The following ELAVL3 variants were observed in gnomAD, a reference collection of about 807,000 sequenced individuals.
ELAVL3 encodes the protein ELAV like RNA binding protein 3.
ELAVL3 carries 8 observed loss-of-function variants against 34.2 expected under a neutral mutation model. That is an observed-to-expected ratio of 0.23 (90% CI 0.14 to 0.42). The LOEUF is 0.42. Ranked by LOEUF, ELAVL3 falls within the 10% of genes least tolerant of loss-of-function variation. ELAVL3 has a pLI of 1.00. For missense variants in ELAVL3, 273 were observed against 518.8 expected (o/e 0.53, Z 4.60); for synonymous variants, 209 against 222.1 (o/e 0.94, Z 0.53).
Position 11,458,340 on chromosome 19 carries a change from C to T in ELAVL3, c.488-54G>A. The T allele has an allele frequency of 6.2e-7, 1 of 1,607,086 alleles. No homozygotes were observed. Among genetic ancestry groups the T allele is most frequent in the South Asian group, 1.1e-5 (1 of 90,688 alleles). On this transcript the variant is annotated intron_variant, in intron 4 of 6. Coordinates refer to ENST00000359227, the MANE Select transcript of ELAVL3 (RefSeq NM_001420.4). This position sits in a 1 kb window ranked among gnomAD's most constrained non-coding sequence, Gnocchi z 7.3. ...ACGACCCTGTCCCCTCCTGTGTAAC[C>T]CCACTTCTCCCTTCCCTGCTTCATG... is the stretch of plus-strand genomic sequence containing the variant.
chr19:11,479,841 G>C (rs988305722), intron 1 of ELAVL3, among the ~76,000 whole-genome samples: 1 of 151,666 alleles, frequency 6.6e-6, no homozygotes, highest in African/African-American at 2.4e-5. Context: ...TGGCGAGGTG[G>C]GGAGCCTGGA....
intron 1 of ELAVL3, among the ~76,000 whole-genome samples, chr19:11,471,074 A>C (rs563808497): frequency 2.9e-4 from 44 of 152,100 alleles, no homozygotes; most frequent in African/African-American, 9.6e-4. Flanking sequence ...GCACTTTGGG[A>C]GGCCGAGGTG....
At chr19:11,464,800 C>T (rs558721367) in intron 3 of ELAVL3, among the ~76,000 whole-genome samples, 285 of 74,232 alleles carry the variant, frequency 3.8e-3, no homozygotes, top group African/African-American at 0.014. Flanking sequence ...ACCACACACA[C>T]ACCACACACA....
intron 1 of ELAVL3, among the ~76,000 whole-genome samples, chr19:11,477,620 A>G (rs1971285977): frequency 6.6e-6 from 1 of 151,308 alleles, no homozygotes; most frequent in Non-Finnish European, 1.5e-5. Context: ...TGAGTTGCTG[A>G]TATTTGCTAT....
At chr19:11,474,781 A>G (rs1478437818) in intron 1 of ELAVL3, among the ~76,000 whole-genome samples, 2 of 152,192 alleles carry the variant, frequency 1.3e-5, no homozygotes, top group Non-Finnish European at 2.9e-5. Context: ...CCTCTCAAGT[A>G]GCTATGACTA....
chr19:11,454,922 T>G lies in ELAVL3; in HGVS notation c.753-45A>C. 4 of 1,537,756 alleles carry G rather than the reference T, an allele frequency of 2.6e-6. No individual in the cohort carries two copies. Among genetic ancestry groups the G allele is most frequent in the Non-Finnish European group, 3.5e-6 (4 of 1,141,140 alleles). On this transcript the variant is annotated intron_variant, in intron 6 of 6. Transcript: ENST00000359227. The surrounding 1 kb of genome is among the most constrained non-coding windows in gnomAD (Gnocchi z 9.2). The stretch of plus-strand genomic sequence containing the variant: ...GGCTCTGCCCTGACCCCCCGCATGC[T>G]TCTGACCCCGTTGTGACCCTTCACA...
chr19:11,460,986 G>A (rs375891481), intron 3 of ELAVL3, among the ~76,000 whole-genome samples: 42 of 139,152 alleles, frequency 3.0e-4, no homozygotes, highest in African/African-American at 6.4e-4. Flanking sequence ...ACTCACCCCC[G>A]TCCTCCACCG....
chr19:11,476,990 G>A (rs777110062), intron 1 of ELAVL3, among the ~76,000 whole-genome samples: 1 of 152,260 alleles, frequency 6.6e-6, no homozygotes, highest in Middle Eastern at 3.4e-3. Flanking sequence ...GAAAAGACCA[G>A]TAATATAATA....
Position 11,458,620 on chromosome 19 carries a change from G to C in ELAVL3, c.334-9C>G, listed in dbSNP as rs199750944. ...GGTCTGGCATAGGACACCTGGGTGA[G>C]GGGGTCAGATGGACAGGGGTGAGGC... On this transcript the variant is annotated splice_polypyrimidine_tract_variant and intron_variant, in intron 3 of 6. Transcript: ENST00000359227. This position sits in a 1 kb window ranked among gnomAD's most constrained non-coding sequence, Gnocchi z 7.3. The C allele has an allele frequency of 2.7e-5, 44 of 1,613,268 alleles. No individual in the cohort carries two copies. In the East Asian group the frequency reaches 9.8e-4, roughly 36 times the overall value.
At position 11,466,147 on chromosome 19, in the gene ELAVL3, G is replaced by C; in HGVS notation, c.333+25C>G. 1.9e-6 allele frequency: 3 copies of C among 1,608,500 alleles called. No homozygotes were observed. The highest frequency in any genetic ancestry group is 2.2e-5 in the East Asian group (1 of 44,838). ...CAGTCAGTTGGGGTGGGCGGTCATG[G>C]GGGATTGGAGAAGGAGGCACCAACC... On this transcript the variant is annotated intron_variant, in intron 3 of 6. Transcript: ENST00000359227. This position sits in a 1 kb window ranked among gnomAD's most constrained non-coding sequence, Gnocchi z 5.0.
In ELAVL3 at chr19:11,458,334, T is replaced by A; in HGVS notation, c.488-48A>T. 4 of 1,608,318 alleles carry A rather than the reference T, an allele frequency of 2.5e-6. No individual in the cohort carries two copies. Among genetic ancestry groups the A allele is most frequent in the Non-Finnish European group, 3.4e-6 (4 of 1,176,696 alleles). On this transcript the variant is annotated intron_variant, in intron 4 of 6. Transcript: ENST00000359227. The surrounding 1 kb of genome is among the most constrained non-coding windows in gnomAD (Gnocchi z 7.3). ...ATCACGACGACCCTGTCCCCTCCTG[T>A]GTAACCCCACTTCTCCCTTCCCTGC... is the stretch of plus-strand genomic sequence containing the variant.
chr19:11,454,735 C>T lies in ELAVL3; in HGVS notation c.895G>A (p.Val299Met). Residue 299 changes from valine to methionine, a missense_variant, in exon 7 of 7, where the codon GTG (valine) becomes ATG (methionine). Coordinates refer to ENST00000359227, the MANE Select transcript of ELAVL3 (RefSeq NM_001420.4). This position sits in a 1 kb window ranked among gnomAD's most constrained non-coding sequence, Gnocchi z 9.2. The part of the protein sequence containing the change: ...YNLSPEADES[V>M]LWQLFGPFGA... ...AAAGGCCCGAACAGCTGCCACAGCA[C>T]GCTCTCGTCTGCCTCCGGTGACAGG... 6.2e-7 allele frequency: 1 copy of T among 1,614,206 alleles called. No individual in the cohort carries two copies. The highest frequency in any genetic ancestry group is 8.5e-7 in the Non-Finnish European group (1 of 1,180,016).
chr19:11,464,157 A>ATT (rs1970957451), intron 3 of ELAVL3, among the ~76,000 whole-genome samples: 1 of 100,498 alleles, frequency 1.0e-5, no homozygotes, highest in African/African-American at 6.7e-5. Flanking sequence ...CTCTCTATAT[A>ATT]TATATATATA....
In ELAVL3 at chr19:11,464,791, CCA is replaced by C. The variant is rs1158719360; in HGVS notation, c.333+1379_333+1380del. Among the ~76,000 whole-genome samples, 19 of 124,158 alleles carry C rather than the reference CCA, an allele frequency of 1.5e-4. No individual in the cohort carries two copies. The East Asian group carries it at 1.6e-3, about 10-fold the overall frequency. 81.5% of individuals were successfully genotyped at this position (124,158 alleles called of 152,430 possible). ...ACACCACACACATACACCACACACA[CCA>C]CACACACACCACACACACATGCACC... On this transcript the variant is annotated intron_variant, in intron 3 of 6. Transcript: ENST00000359227.
In ELAVL3 at chr19:11,468,909, CATTT is replaced by C. The variant is rs569897463; in HGVS notation, c.10-2086_10-2083del. Among the ~76,000 whole-genome samples, 14 of 151,862 alleles carry C rather than the reference CATTT, an allele frequency of 9.2e-5. No homozygotes were observed. The South Asian group carries it at 2.7e-3, about 29-fold the overall frequency. On this transcript the variant is annotated intron_variant, in intron 1 of 6. Coordinates refer to ENST00000359227, the MANE Select transcript of ELAVL3 (RefSeq NM_001420.4). ...ACTTTTTTTTTACATCAATTGAAAC[CATTT>C]TTTAGCTTTAATTAATTAATTTTTG...
intron 1 of ELAVL3, among the ~76,000 whole-genome samples, chr19:11,475,030 G>A (rs1020848986): frequency 6.6e-5 from 10 of 152,134 alleles, no homozygotes; most frequent in South Asian, 2.1e-4. Context: ...GGGTTTCACC[G>A]TTAGCCAGGA....
intron 1 of ELAVL3, among the ~76,000 whole-genome samples, chr19:11,467,528 G>A: frequency 6.6e-6 from 1 of 151,988 alleles, no homozygotes; most frequent in Admixed American, 6.6e-5. Flanking sequence ...CTGTCACCCA[G>A]ACTGGAGTGC....
Position 11,466,637 on chromosome 19 carries a change from G to A in ELAVL3, c.200C>T (p.Ser67Phe). The A allele has an allele frequency of 6.2e-7, 1 of 1,614,148 alleles. No homozygotes were observed. The highest frequency in any genetic ancestry group is 8.5e-7 in the Non-Finnish European group (1 of 1,180,038). ...SLFGSIGDIE[S>F]CKLVRDKITG... ...GATCTTGTCCCGAACCAACTTGCAGGACTCGATGTCGCCAATGCTGCCGAA... is the reference window on the plus strand; with the variant it reads ...GATCTTGTCCCGAACCAACTTGCAGAACTCGATGTCGCCAATGCTGCCGAA... Residue 67 changes from serine (S) to phenylalanine (F), a missense_variant, in exon 2 of 7, where the codon TCC becomes TTC. Physicochemically the swap from Ser to Phe is radical, Grantham distance 155 (BLOSUM62 -2). Around this residue, in one of 4 missense-constraint regions of ELAVL3, gnomAD observed 102 missense variants for 250.1 expected, o/e 0.41. Transcript: ENST00000359227. The surrounding 1 kb of genome is among the most constrained non-coding windows in gnomAD (Gnocchi z 5.0).
At position 11,454,400 on chromosome 19, in the gene ELAVL3, G is replaced by A; in HGVS notation, c.*126C>T. 1.1e-6 allele frequency: 1 copy of A among 951,160 alleles called. No individual in the cohort carries two copies. The highest frequency in any genetic ancestry group is 1.5e-6 in the Non-Finnish European group (1 of 655,456). The allele number at this position is 951,160 out of a possible 1,614,324, so 58.9% of individuals were successfully genotyped here. A position where few individuals can be genotyped will look rare whatever the true frequency, so the allele number is the denominator to read the frequency against. On this transcript the variant is annotated 3_prime_UTR_variant, in exon 7 of 7. Transcript: ENST00000359227. This position sits in a 1 kb window ranked among gnomAD's most constrained non-coding sequence, Gnocchi z 9.2. ...CCCTGTGGCTTCCGCAGGGACGTGG[G>A]GCCCTCGCGTCGTCCGTGGGGCTGC... is the stretch of plus-strand genomic sequence containing the variant.
Sources: gnomAD v4.1 joint callset for allele counts (sites outside exome capture counted in the v4.1 genomes callset) on GRCh38, gnomAD v4.1.1 for gene constraint, gnomAD v4.1.1 regional missense constraint, Gnocchi (gnomAD v3.1) non-coding constraint, MANE v1.5 for transcripts, NCBI Gene and HGNC (gene_info 2026-07-23, HGNC 2026-07-21) for gene names.